Variants in TJP2 observed in about 807,000 individuals in gnomAD.
TJP2 encodes the protein tight junction protein 2.
A neutral mutation model predicts 133.1 loss-of-function variants in TJP2; 91 were observed. That is an observed-to-expected ratio of 0.68 (90% confidence interval 0.58 to 0.81). The LOEUF (loss-of-function observed/expected upper bound fraction) is 0.81, where lower values mean the gene tolerates loss of function less well. TJP2 is among the 40% of genes least tolerant of loss of function. The probability of loss-of-function intolerance (pLI) is 0.00; values close to 1 mark genes in which losing one functional copy is unlikely to be tolerated. For missense variants in TJP2, 1,541 were observed against 1,565.6 expected (o/e 0.98, Z 0.26); for synonymous variants, 592 against 583.4 (o/e 1.01, Z -0.21).
At position 69,226,044 on chromosome 9, in the gene TJP2, A is replaced by G; in HGVS notation, c.1079A>G (p.Asn360Ser). 8 of 1,614,220 alleles carry G rather than the reference A, an allele frequency of 5.0e-6. No homozygotes were observed. Among genetic ancestry groups the G allele is most frequent in the Non-Finnish European group, 6.8e-6 (8 of 1,180,034 alleles). ...ILKINGTVTENMSLTDARKLI... is the reference protein window; with the variant it reads ...ILKINGTVTESMSLTDARKLI... ...CAGATCAATGGGACTGTAACTGAGA[A>G]CATGTCTTTAACGGATGCTCGAAAA... Residue 360 changes from asparagine to serine, a missense_variant, in exon 7 of 23, where the codon AAC becomes AGC. Transcript: ENST00000377245.
Position 69,221,339 on chromosome 9 carries a change from C to T in TJP2, c.795C>T (p.Tyr265=), listed in dbSNP as rs1828831613. ...ACGACCCAGACTACGAGCGGGCCTA[C>T]AGCCCGGAGTACAGGCGCGGGGCCC... ...RAYDPDYERA[Y]SPEYRRGARH... Residue 265 remains tyrosine (Y), a synonymous_variant, in exon 5 of 23, where the codon TAC becomes TAT. Coordinates refer to ENST00000377245, the MANE Select transcript of TJP2 (RefSeq NM_004817.4). The T allele has an allele frequency of 1.3e-6, 2 of 1,593,590 alleles. No homozygotes were observed. The highest frequency in any genetic ancestry group is 1.1e-5 in the South Asian group (1 of 88,612).
intron 2 of TJP2, among the ~76,000 whole-genome samples, chr9:69,169,068 G>GA (rs1423297947): frequency 6.6e-6 from 1 of 152,136 alleles, no homozygotes; most frequent in East Asian, 1.9e-4. Context: ...GGCCTTTACT[G>GA]AAAAAACATC....
chr9:69,156,369 A>G (rs10114632), intron 2 of TJP2, among the ~76,000 whole-genome samples: 64,283 of 151,906 alleles, frequency 0.42, 13,880 homozygotes, highest in East Asian at 0.63. Context: ...CCCAAAAAAA[A>G]AGAAAAATTT....
intron 1 of TJP2, among the ~76,000 whole-genome samples, chr9:69,204,220 T>TTCCTAGATGGAGA (rs1418522205): frequency 6.6e-6 from 1 of 152,222 alleles, no homozygotes; most frequent in Non-Finnish European, 1.5e-5. Flanking sequence ...TTCTCCTTGT[T>TTCCTAGATGGAGA]TCCTAGATGG....
At position 69,253,491 on chromosome 9, in the gene TJP2, C is replaced by T. The variant is rs566955778; in HGVS notation, c.3407+591C>T. On this transcript the variant is annotated intron_variant, in intron 22 of 22. Coordinates refer to ENST00000377245, the MANE Select transcript of TJP2 (RefSeq NM_004817.4). ...TTTTTTTTGGAGACAGAGTGACTGT[C>T]GCCCAGGCTGAAGTGCACTGGTGCA... The T allele has an allele frequency of 2.1e-3, 326 of 156,120 alleles. 2 individuals carry two copies. Among genetic ancestry groups the T allele is most frequent in the Non-Finnish European group, 3.7e-3 (263 of 70,616 alleles). The allele number at this position is 156,120 out of a possible 1,614,324, so 9.7% of individuals were successfully genotyped here.
chr9:69,254,460 G>T lies in TJP2; in HGVS notation c.*86G>T. 6.4e-7 allele frequency: 1 copy of T among 1,556,294 alleles called. No individual in the cohort carries two copies. Among genetic ancestry groups the T allele is most frequent in the Non-Finnish European group, 8.8e-7 (1 of 1,135,312 alleles). ...AGGCCGCCGGGATGGTTCTTCTCCA[G>T]TTAGAATGCACCATGGAGACGTGGT... On this transcript the variant is annotated 3_prime_UTR_variant, in exon 23 of 23. Transcript: ENST00000377245.
chr9:69,205,078 C>CAATA, intron 1 of TJP2: 1 of 1,515,094 alleles, frequency 6.6e-7, no homozygotes, highest in Non-Finnish European at 8.8e-7. Context: ...ATTGTATCCG[C>CAATA]CTTACGTAAC....
At chr9:69,208,982 G>A (rs995303894) in intron 1 of TJP2, among the ~76,000 whole-genome samples, 31 of 152,142 alleles carry the variant, frequency 2.0e-4, no homozygotes, top group Non-Finnish European at 2.9e-5. Context: ...AAGTGGGCAT[G>A]CTCATAAGGT....
At chr9:69,141,996 T>C (rs1823038731) in intron 1 of TJP2, among the ~76,000 whole-genome samples, 1 of 152,202 alleles carries the variant, frequency 6.6e-6, no homozygotes. Flanking sequence ...CACCAGGTCT[T>C]AAACAGTAGA....
chr9:69,235,987 G>C (rs371259110), intron 12 of TJP2, 41 bp from the exon 13 acceptor site: 1 of 1,594,126 alleles, frequency 6.3e-7, no homozygotes, highest in Non-Finnish European at 8.6e-7. Flanking sequence ...ACTGTAACTT[G>C]TACTAAGCTG....
At chr9:69,184,988 G>A (rs1169594036) in intron 1 of TJP2, among the ~76,000 whole-genome samples, 15 of 151,766 alleles carry the variant, frequency 9.9e-5, no homozygotes, top group African/African-American at 9.7e-5. Context: ...GGGCTCAGGC[G>A]ATCCTCCTAC....
chr9:69,136,694 TG>T (rs1245299913), intron 1 of TJP2, among the ~76,000 whole-genome samples: 1 of 152,130 alleles, frequency 6.6e-6, no homozygotes, highest in Non-Finnish European at 1.5e-5. Flanking sequence ...ATTTCCTGGT[TG>T]GGGGTGTCTG....
At chr9:69,229,308 C>A in intron 10 of TJP2, 58 bp downstream of exon 10, 1 of 1,551,122 alleles carries the variant, frequency 6.4e-7, no homozygotes, top group Non-Finnish European at 8.9e-7. Flanking sequence ...GTCTCTGTAA[C>A]TGAAATCCAG....
Position 69,236,191 on chromosome 9 carries a change from G to A in TJP2, c.1944G>A (p.Val648=). 1 of 1,614,106 alleles carries A rather than the reference G, an allele frequency of 6.2e-7. No homozygotes were observed. The highest frequency in any genetic ancestry group is 1.3e-5 in the African/African-American group (1 of 75,040). The change falls in exon 13 of 23, where the codon GTG becomes GTA. Residue 648 remains valine, a synonymous_variant. Transcript: ENST00000377245. ...YDGKLGNWLA[V]RIGNELEKGL... is the part of the protein sequence containing the mutation. Reference sequence around the variant, plus strand: ...GCAAGCTGGGCAACTGGCTGGCTGTGAGGATTGGGAACGAGTTGGAGAAAG... The same window carrying A: ...GCAAGCTGGGCAACTGGCTGGCTGTAAGGATTGGGAACGAGTTGGAGAAAG...
chr9:69,212,440 A>G lies in TJP2; in HGVS notation c.61-108A>G, dbSNP rs77791660. ...ACAGATATTAACTCTTTTTTGGTAT[A>G]GAAAGTGTGAGCTGGACTTTATGTC... On this transcript the variant is annotated intron_variant, in intron 1 of 22. Coordinates refer to ENST00000377245, the MANE Select transcript of TJP2 (RefSeq NM_004817.4). 66 of 830,040 alleles carry G rather than the reference A, an allele frequency of 8.0e-5. No homozygotes were observed. The East Asian group carries it at 1.6e-3, about 20-fold the overall frequency. The allele number at this position is 830,040 out of a possible 1,614,324, so 51.4% of individuals were successfully genotyped here.
At chr9:69,216,206 TG>T in intron 2 of TJP2, 132 bp from the exon 3 acceptor site, 1 of 1,084,184 alleles carries the variant, frequency 9.2e-7, no homozygotes, top group Non-Finnish European at 1.4e-6. Context: ...GTTTCTCATT[TG>T]TTTCTGTAAG....
intron 4 of TJP2, among the ~76,000 whole-genome samples, chr9:69,220,437 T>C (rs1251894912): frequency 1.3e-5 from 2 of 152,260 alleles, no homozygotes; most frequent in African/African-American, 4.8e-5. Flanking sequence ...TAGATTCCTG[T>C]AAGCTGTAGT....
At chr9:69,230,521 AC>A (rs1829693059) in intron 11 of TJP2, among the ~76,000 whole-genome samples, 1 of 152,352 alleles carries the variant, frequency 6.6e-6, no homozygotes, top group South Asian at 2.1e-4. Context: ...GTAAGCACTT[AC>A]AGGAAAGATT....
chr9:69,156,407 G>A (rs369537671), intron 2 of TJP2, among the ~76,000 whole-genome samples: 30 of 152,270 alleles, frequency 2.0e-4, no homozygotes, highest in African/African-American at 7.0e-4. Flanking sequence ...AAGGTTACAG[G>A]ACATGCCCAT....
Sources: allele counts gnomAD v4.1 joint callset (sites outside exome capture counted in the v4.1 genomes callset), GRCh38; gene constraint gnomAD v4.1.1; transcripts MANE v1.5; gene names NCBI Gene and HGNC (gene_info 2026-07-23, HGNC 2026-07-21).